Variants in BRINP1 observed in about 807,000 individuals in gnomAD.
The protein encoded by BRINP1 is BMP/retinoic acid inducible neural specific 1.
BRINP1 carries 17 observed loss-of-function variants against 72.9 expected under a neutral mutation model. The observed-to-expected ratio is 0.23, with a 90% CI of 0.16 to 0.35. BRINP1 has a LOEUF of 0.35. Among genes scored for constraint, BRINP1 ranks in the 10% least tolerant of loss-of-function variants. The pLI, the probability that BRINP1 is intolerant of heterozygous loss-of-function variation, is 1.00. For missense variants in BRINP1, 850 were observed against 1,001.6 expected, an observed-to-expected ratio of 0.85 and a Z score of 2.04; for synonymous variants, 418 against 378.5, an observed-to-expected ratio of 1.10 and a Z score of -1.21.
intron 2 of BRINP1, among the ~76,000 whole-genome samples, chr9:119,266,684 C>G (rs1004157839): frequency 1.3e-5 from 2 of 152,174 alleles, no homozygotes; most frequent in African/African-American, 4.8e-5. Context: ...CTGGTAACCA[C>G]CATTCTACCC....
At chr9:119,311,489 G>T (rs905253058) in intron 2 of BRINP1, among the ~76,000 whole-genome samples, 1 of 151,920 alleles carries the variant, frequency 6.6e-6, no homozygotes, top group Admixed American at 6.6e-5. Context: ...TCAGAATCCT[G>T]CCTGGTCACC....
chr9:119,207,365 C>A (rs557567682), intron 7 of BRINP1, among the ~76,000 whole-genome samples: 1 of 152,194 alleles, frequency 6.6e-6, no homozygotes, highest in South Asian at 2.1e-4. Context: ...CAAAAGTCAT[C>A]GTGGTTTTTG....
intron 1 of BRINP1, among the ~76,000 whole-genome samples, chr9:119,334,055 T>C (rs969874744): frequency 6.6e-6 from 1 of 152,188 alleles, no homozygotes; most frequent in Admixed American, 6.5e-5. Context: ...CAGCTCTAAA[T>C]GCAGTCTGAG....
At chr9:119,359,920 G>GTTA (rs1470009891) in intron 1 of BRINP1, among the ~76,000 whole-genome samples, 2 of 152,172 alleles carry the variant, frequency 1.3e-5, no homozygotes, top group African/African-American at 4.8e-5. Flanking sequence ...ATCTCTAAAT[G>GTTA]TTATGGATGA....
At chr9:119,210,756 T>G (rs1444720606) in intron 6 of BRINP1, among the ~76,000 whole-genome samples, 2 of 152,194 alleles carry the variant, frequency 1.3e-5, no homozygotes, top group Non-Finnish European at 2.9e-5. Flanking sequence ...GAGTCACATC[T>G]TGAGTGCTGA....
chr9:119,226,686 C>T (rs60742755), intron 5 of BRINP1, among the ~76,000 whole-genome samples: 7,147 of 151,834 alleles, frequency 0.047, 568 homozygotes, highest in African/African-American at 0.16. Flanking sequence ...TTGTCTTCTC[C>T]GGTTATAGAT....
At position 119,194,470 on chromosome 9, in the gene BRINP1, A is replaced by C. The variant is rs185603001; in HGVS notation, c.1145+14249T>G. Among the ~76,000 whole-genome samples the C allele has an allele frequency of 1.1e-4, 16 of 152,320 alleles. No individual in the cohort carries two copies. The East Asian group carries it at 3.1e-3, about 29-fold the overall frequency. On this transcript the variant is annotated intron_variant, in intron 7 of 7. Coordinates refer to ENST00000265922, the MANE Select transcript of BRINP1 (RefSeq NM_014618.3). ...CACTCTGGTGACTGTGTTCTTTTAC[A>C]TAACACAGTTGACCTACAGAGGAAG...
At chr9:119,234,861 C>A (rs969467970) in intron 5 of BRINP1, among the ~76,000 whole-genome samples, 2 of 152,018 alleles carry the variant, frequency 1.3e-5, no homozygotes, top group Non-Finnish European at 2.9e-5. Context: ...TTTCTGAATC[C>A]CCATAATGCC....
Position 119,216,614 on chromosome 9 carries a change from C to T in BRINP1, c.686-2459G>A, listed in dbSNP as rs148578455. 1.8e-3 allele frequency among the ~76,000 whole-genome samples: 276 copies of T among 152,252 alleles called. 10 individuals are homozygous for T. In the East Asian group the frequency reaches 0.05, roughly 28 times the overall value. ...AGCCAAATTTATTTTTAGCTGATCC[C>T]AATCCCCCATAGGCAACTGGGTGTA... On this transcript the variant is annotated intron_variant, in intron 5 of 7. Coordinates refer to ENST00000265922, the MANE Select transcript of BRINP1 (RefSeq NM_014618.3).
rs886604790 is a variant in BRINP1 at position 119,202,383 on chromosome 9, C to G, written c.1145+6336G>C. 2.6e-5 allele frequency among the ~76,000 whole-genome samples: 4 copies of G among 152,114 alleles called. No individual in the cohort carries two copies. In the South Asian group the frequency reaches 8.3e-4, roughly 32 times the overall value. On this transcript the variant is annotated intron_variant, in intron 7 of 7. Coordinates refer to ENST00000265922, the MANE Select transcript of BRINP1 (RefSeq NM_014618.3). ...CTTCAAGTTCATCCCAATTGCATAG[C>G]CCCCTTTCTACAGCATTCAGAGTTC...
intron 1 of BRINP1, among the ~76,000 whole-genome samples, chr9:119,357,999 A>C (rs1322545777): frequency 1.3e-5 from 2 of 152,154 alleles, no homozygotes. Flanking sequence ...TGGGCTTAGA[A>C]CCTGATGCTC....
intron 5 of BRINP1, among the ~76,000 whole-genome samples, chr9:119,218,518 T>C (rs1331192174): frequency 6.6e-6 from 1 of 152,006 alleles, no homozygotes; most frequent in South Asian, 2.1e-4. Context: ...AAACGCTTCC[T>C]TCTCCAAGAT....
rs532212878 is a variant in BRINP1 at position 119,368,832 on chromosome 9, C to T, written c.-51+224G>A. 1.5e-4 allele frequency among the ~76,000 whole-genome samples: 23 copies of T among 152,066 alleles called. No individual in the cohort carries two copies. The highest frequency in any genetic ancestry group is 4.8e-4 in the African/African-American group (20 of 41,512). ...CACGTCGGGAGCGCGCGGGGACACA[C>T]ACGCCACTCACTCAAACCCGCAATT... On this transcript the variant is annotated intron_variant, in intron 1 of 7. Transcript: ENST00000265922. The surrounding 1 kb of genome is among the most constrained non-coding windows in gnomAD (Gnocchi z 4.7).
At chr9:119,242,253 G>A in intron 3 of BRINP1, 37 bp from the exon 4 acceptor site, 2 of 1,588,120 alleles carry the variant, frequency 1.3e-6, no homozygotes, top group East Asian at 2.2e-5. Context: ...AAGGTTTGTG[G>A]AGCTTTCATG....
At chr9:119,211,290 C>T (rs1829924311) in intron 6 of BRINP1, among the ~76,000 whole-genome samples, 1 of 152,074 alleles carries the variant, frequency 6.6e-6, no homozygotes, top group African/African-American at 2.4e-5. Context: ...CTCTGCCTCC[C>T]AGGTTCAAGC....
At chr9:119,209,354 C>T (rs1319559016) in intron 6 of BRINP1, among the ~76,000 whole-genome samples, 1 of 152,068 alleles carries the variant, frequency 6.6e-6, no homozygotes, top group Non-Finnish European at 1.5e-5. Context: ...GGGTGGATAA[C>T]AGGCCAGGAG....
chr9:119,350,390 A>T (rs1267742287), intron 1 of BRINP1, among the ~76,000 whole-genome samples: 1 of 152,144 alleles, frequency 6.6e-6, no homozygotes, highest in Admixed American at 6.5e-5. Flanking sequence ...TGGAAAACAC[A>T]CAGCCACGTC....
intron 1 of BRINP1, among the ~76,000 whole-genome samples, chr9:119,356,089 C>A (rs1431779882): frequency 6.6e-6 from 1 of 152,168 alleles, no homozygotes; most frequent in Non-Finnish European, 1.5e-5. Context: ...TCTCCCCCTA[C>A]TTCCTATTGG....
At chr9:119,367,169 T>C (rs1831700343) in intron 1 of BRINP1, among the ~76,000 whole-genome samples, 1 of 139,360 alleles carries the variant, frequency 7.2e-6, no homozygotes, top group South Asian at 2.6e-4. Flanking sequence ...TGTTTGCTTT[T>C]ATCTCTCCCC....
Sources: gnomAD v4.1 joint callset for allele counts (sites outside exome capture counted in the v4.1 genomes callset) on GRCh38, gnomAD v4.1.1 for gene constraint, Gnocchi (gnomAD v3.1) non-coding constraint, MANE v1.5 for transcripts, NCBI Gene and HGNC (gene_info 2026-07-23, HGNC 2026-07-21) for gene names.